The following SCLT1 variants were observed in gnomAD, a reference collection of about 807,000 sequenced individuals.
SCLT1 encodes sodium channel and clathrin linker 1, also known as sodium channel-associated protein 1.
In SCLT1, 78 loss-of-function variants were observed where a neutral mutation model predicts 112.8. The ratio of observed to expected loss-of-function variants is 0.69; its 90% CI spans 0.58 to 0.83. The LOEUF (loss-of-function observed/expected upper bound fraction) is 0.83, where lower values mean the gene tolerates loss of function less well. Among genes scored for constraint, SCLT1 ranks in the 40% least tolerant of loss-of-function variants. The pLI, the probability that SCLT1 is intolerant of heterozygous loss-of-function variation, is 0.00. For missense variants in SCLT1, 747 were observed against 770.4 expected (o/e 0.97, Z 0.36); for synonymous variants, 257 against 254.7 (o/e 1.01, Z -0.09).
chr4:128,929,037 A>C (rs2125971853), intron 18 of SCLT1, among the ~76,000 whole-genome samples: 1 of 152,300 alleles, frequency 6.6e-6, no homozygotes, highest in South Asian at 2.1e-4. Context: ...TGGAAGTCCT[A>C]GCTAGTGCAA....
intron 2 of SCLT1, among the ~76,000 whole-genome samples, chr4:129,062,267 C>G (rs574168472): frequency 1.3e-5 from 2 of 152,090 alleles, no homozygotes; most frequent in Admixed American, 6.6e-5. Flanking sequence ...TGTTACTCCT[C>G]TGATGCACTC....
chr4:129,050,875 T>C (rs1748718498), intron 2 of SCLT1, among the ~76,000 whole-genome samples: 1 of 151,888 alleles, frequency 6.6e-6, no homozygotes, highest in Non-Finnish European at 1.5e-5. Flanking sequence ...TTTTAAATCT[T>C]TAAACCATCA....
chr4:129,079,837 A>G (rs1408202286), intron 2 of SCLT1, among the ~76,000 whole-genome samples: 1 of 152,242 alleles, frequency 6.6e-6, no homozygotes, highest in East Asian at 1.9e-4. Context: ...CTGTGTGGAC[A>G]TCCAGGCATT....
chr4:128,918,148 T>C (rs1197577210), intron 18 of SCLT1, among the ~76,000 whole-genome samples: 1 of 152,024 alleles, frequency 6.6e-6, no homozygotes, highest in Non-Finnish European at 1.5e-5. Context: ...CTATGGAAGC[T>C]TTACAACAAA....
chr4:128,891,001 T>C (rs1733267533), intron 19 of SCLT1, 58 bp downstream of exon 19: 1 of 1,234,096 alleles, frequency 8.1e-7, no homozygotes, highest in South Asian at 1.3e-5. Context: ...GGTAAAATTC[T>C]ATAACATGTG....
chr4:128,959,750 G>A lies in SCLT1; in HGVS notation c.897C>T (p.Asn299=). ...GATGTGTATTTTCGGTTCTTAATTG[G>A]TTGGCTTCTTGGATTGTCACACATA... The part of the protein sequence containing the change: ...IRLCVTIQEA[N]QLRTENTHLE... The change falls in exon 12 of 21, where the codon AAC becomes AAT. Residue 299 remains asparagine, a synonymous_variant. Coordinates refer to ENST00000281142, the MANE Select transcript of SCLT1 (RefSeq NM_144643.4). The A allele has an allele frequency of 1.2e-6, 2 of 1,613,178 alleles. No individual in the cohort carries two copies. Among genetic ancestry groups the A allele is most frequent in the Non-Finnish European group, 1.7e-6 (2 of 1,179,600 alleles).
chr4:129,078,106 A>C (rs1215021678), intron 2 of SCLT1, among the ~76,000 whole-genome samples: 5 of 152,214 alleles, frequency 3.3e-5, no homozygotes, highest in Admixed American at 3.3e-4. Flanking sequence ...GTTGCAAGAC[A>C]ACAAGAATAG....
At chr4:129,032,359 A>C (rs574705185) in intron 5 of SCLT1, among the ~76,000 whole-genome samples, 15 of 152,158 alleles carry the variant, frequency 9.9e-5, no homozygotes, top group Non-Finnish European at 1.6e-4. Flanking sequence ...TAAAGACTTA[A>C]ATGTAAAACC....
At position 128,942,977 on chromosome 4, in the gene SCLT1, ACT is replaced by A. The variant is rs775098009; in HGVS notation, c.1632+17_1632+18del. On this transcript the variant is annotated intron_variant, in intron 17 of 20. Transcript: ENST00000281142. ...TTTGATTTTCATAAGTACACATTTA[ACT>A]CTAGTCTTGAAAATACCTTTACTTT... The A allele has an allele frequency of 7.9e-5, 123 of 1,557,980 alleles. No homozygotes were observed. The highest frequency in any genetic ancestry group is 9.6e-5 in the Non-Finnish European group (109 of 1,139,788).
intron 18 of SCLT1, among the ~76,000 whole-genome samples, chr4:128,897,246 G>T (rs1223892565): frequency 1.3e-5 from 2 of 151,994 alleles, no homozygotes; most frequent in Non-Finnish European, 2.9e-5. Context: ...TTGAAATGAA[G>T]GAAAAAATGT....
rs1031637461 is a variant in SCLT1 at position 128,925,117 on chromosome 4, C to T, written c.1829+11538G>A. ...GCTTGGGAGCAGATCCTTTCCTGGT[C>T]AAGCTCTGAGATAATGCAGCTTTAG... On this transcript the variant is annotated intron_variant, in intron 18 of 20. Transcript: ENST00000281142. Among the ~76,000 whole-genome samples, 8 of 152,098 alleles carry T rather than the reference C, an allele frequency of 5.3e-5. 1 individual carries two copies. Among genetic ancestry groups the T allele is most frequent in the African/African-American group, 1.4e-4 (6 of 41,390 alleles).
chr4:128,973,163 T>A (rs1235241055), intron 9 of SCLT1, among the ~76,000 whole-genome samples: 1 of 152,112 alleles, frequency 6.6e-6, no homozygotes, highest in Non-Finnish European at 1.5e-5. Flanking sequence ...CACTAACTTC[T>A]CCTTGGCAAA....
chr4:129,017,649 T>C (rs1745109599), intron 5 of SCLT1, among the ~76,000 whole-genome samples: 2 of 152,162 alleles, frequency 1.3e-5, no homozygotes, highest in Non-Finnish European at 2.9e-5. Flanking sequence ...TTGGTTCCAG[T>C]TGTATTTATT....
At chr4:129,058,998 A>G (rs1218613396) in intron 2 of SCLT1, among the ~76,000 whole-genome samples, 2 of 152,168 alleles carry the variant, frequency 1.3e-5, no homozygotes, top group East Asian at 3.8e-4. Context: ...ATATAATTGA[A>G]TTCATCATGA....
At chr4:128,970,500 T>C (rs1456262923) in intron 9 of SCLT1, 32 bp from the exon 10 acceptor site, 3 of 1,125,906 alleles carry the variant, frequency 2.7e-6, no homozygotes, top group Non-Finnish European at 4.1e-6. Flanking sequence ...TAAACACTGT[T>C]TTCATAGACC....
chr4:128,894,363 A>AACAC (rs10522940), intron 18 of SCLT1, among the ~76,000 whole-genome samples: 76 of 143,110 alleles, frequency 5.3e-4, no homozygotes, highest in South Asian at 2.9e-3. Context: ...TTGAGTAAGT[A>AACAC]ACACACACAC....
At chr4:128,945,959 T>C (rs1738120930) in intron 16 of SCLT1, 48 bp downstream of exon 16, 1 of 1,355,556 alleles carries the variant, frequency 7.4e-7, no homozygotes. Flanking sequence ...TCAAAAATTG[T>C]GTGAATTCTG....
At chr4:128,995,781 A>G (rs1171951983) in intron 8 of SCLT1, among the ~76,000 whole-genome samples, 1 of 151,974 alleles carries the variant, frequency 6.6e-6, no homozygotes, top group Non-Finnish European at 1.5e-5. Flanking sequence ...GACCTATTAG[A>G]GCTTCGTGAG....
intron 5 of SCLT1, among the ~76,000 whole-genome samples, chr4:129,004,102 C>G (rs940633018): frequency 4.6e-5 from 7 of 152,086 alleles, no homozygotes; most frequent in African/African-American, 7.2e-5. Context: ...TCACAATTAA[C>G]TGAAGCATGA....
Sources: gnomAD v4.1 joint callset for allele counts (sites outside exome capture counted in the v4.1 genomes callset) on GRCh38, gnomAD v4.1.1 for gene constraint, MANE v1.5 for transcripts, NCBI Gene and HGNC (gene_info 2026-07-23, HGNC 2026-07-21) for gene names.